HS2ST1: variants seen among roughly 807,000 people sequenced by gnomAD.
HS2ST1 encodes the protein 2-O-sulfotransferase.
Under a neutral mutation model 42.9 loss-of-function variants are expected in HS2ST1, and 18 were observed. That is an observed-to-expected ratio of 0.42 (90% confidence interval 0.29 to 0.62). HS2ST1 has a LOEUF of 0.62. Among genes scored for constraint, HS2ST1 ranks in the 20% least tolerant of loss-of-function variants. The pLI, the probability that HS2ST1 is intolerant of heterozygous loss-of-function variation, is 0.21. For missense variants in HS2ST1, 334 were observed against 433.8 expected (o/e 0.77, Z 2.04); for synonymous variants, 146 against 152.9 (o/e 0.95, Z 0.33).
At chr1:86,945,787 G>C (rs1199733) in intron 1 of HS2ST1, among the ~76,000 whole-genome samples, 35,562 of 152,054 alleles carry the variant, frequency 0.23, 4,876 homozygotes, top group African/African-American at 0.37. Context: ...ATAATTTCTT[G>C]GCCAGGTGCA....
chr1:87,092,520 T>G lies in HS2ST1; in HGVS notation c.450-11T>G. The G allele has an allele frequency of 6.5e-7, 1 of 1,527,422 alleles. No individual in the cohort carries two copies. Among genetic ancestry groups the G allele is most frequent in the Non-Finnish European group, 8.7e-7 (1 of 1,143,366 alleles). The allele number at this position is 1,527,422 out of a possible 1,614,324, so 94.6% of individuals were successfully genotyped here. ...TGTTGATTTCACCTTTGAAATTTTG[T>G]TGTATTTCAGATTTGGTGTGAAGAA... On this transcript the variant is annotated splice_polypyrimidine_tract_variant and intron_variant, in intron 3 of 6. Transcript: ENST00000370550.
At chr1:87,046,101 T>G (rs1467309413) in intron 1 of HS2ST1, 8 of 674,232 alleles carry the variant, frequency 1.2e-5, no homozygotes, top group Non-Finnish European at 2.3e-5. Context: ...TGTGGCATAT[T>G]TTTGACAGTT....
chr1:87,002,201 C>T lies in HS2ST1; in HGVS notation c.125-70733C>T, dbSNP rs578195968. ...TGCTGGGATTACAGGCGTGAGCCAC[C>T]GTGCCCGGCCGGACTATTGTATTTT... On this transcript the variant is annotated intron_variant, in intron 1 of 6. Coordinates refer to ENST00000370550, the MANE Select transcript of HS2ST1 (RefSeq NM_012262.4). Among the ~76,000 whole-genome samples the T allele has an allele frequency of 3.9e-5, 6 of 152,292 alleles. No individual in the cohort carries two copies. In the South Asian group the frequency reaches 6.2e-4, roughly 16 times the overall value.
chr1:86,920,997 TTG>T (rs1660280456), intron 1 of HS2ST1, among the ~76,000 whole-genome samples: 1 of 152,212 alleles, frequency 6.6e-6, no homozygotes, highest in African/African-American at 2.4e-5. Context: ...GTAATGCATG[TTG>T]TCTTAATTAG....
intron 1 of HS2ST1, among the ~76,000 whole-genome samples, chr1:86,997,975 A>C (rs1249512361): frequency 6.6e-6 from 1 of 152,204 alleles, no homozygotes; most frequent in Non-Finnish European, 1.5e-5. Flanking sequence ...CAGATGAAGG[A>C]GGCCTACTGT....
chr1:87,081,970 CAA>C (rs1041749210), intron 2 of HS2ST1, among the ~76,000 whole-genome samples: 3 of 62,678 alleles, frequency 4.8e-5, no homozygotes, highest in Admixed American at 1.9e-4. Flanking sequence ...GACTCCGTCT[CAA>C]AAAAAAAAAA....
At chr1:87,079,460 G>A (rs1651629422) in intron 2 of HS2ST1, among the ~76,000 whole-genome samples, 1 of 152,106 alleles carries the variant, frequency 6.6e-6, no homozygotes, top group Admixed American at 6.6e-5. Flanking sequence ...TGCTCAGACT[G>A]TTTTCTAGAT....
At chr1:86,955,557 G>A (rs1351123840) in intron 1 of HS2ST1, among the ~76,000 whole-genome samples, 1 of 152,066 alleles carries the variant, frequency 6.6e-6, no homozygotes, top group Non-Finnish European at 1.5e-5. Context: ...ATGAAGCTGA[G>A]GTGCAATTTT....
chr1:86,956,781 G>C (rs1188444706), intron 1 of HS2ST1, among the ~76,000 whole-genome samples: 2 of 152,034 alleles, frequency 1.3e-5, no homozygotes, highest in African/African-American at 2.4e-5. Flanking sequence ...CATCTCTGTT[G>C]TAACTTACCC....
intron 1 of HS2ST1, among the ~76,000 whole-genome samples, chr1:86,969,770 T>C (rs2102207871): frequency 6.6e-6 from 1 of 152,042 alleles, no homozygotes; most frequent in Admixed American, 6.5e-5. Flanking sequence ...AGTTGGCTTT[T>C]TACTTTTAGC....
At chr1:87,101,939 T>TTC (rs2100657205) in intron 5 of HS2ST1, among the ~76,000 whole-genome samples, 2 of 152,320 alleles carry the variant, frequency 1.3e-5, no homozygotes, top group African/African-American at 4.8e-5. Flanking sequence ...CTGTTTGGCT[T>TTC]ATGATGCAGG....
At chr1:87,008,813 G>A (rs780220465) in intron 1 of HS2ST1, among the ~76,000 whole-genome samples, 10 of 151,874 alleles carry the variant, frequency 6.6e-5, no homozygotes, top group Non-Finnish European at 1.5e-4. Flanking sequence ...ACCAAGCTAC[G>A]AAATTCAGAA....
chr1:86,993,793 A>T (rs2100562817), intron 1 of HS2ST1, among the ~76,000 whole-genome samples: 1 of 152,310 alleles, frequency 6.6e-6, no homozygotes, highest in Non-Finnish European at 1.5e-5. Context: ...CTTAAATAGT[A>T]TCTTAACAAA....
chr1:87,008,928 C>T (rs55790109), intron 1 of HS2ST1, among the ~76,000 whole-genome samples: 5,414 of 152,212 alleles, frequency 0.036, 109 homozygotes, highest in African/African-American at 0.049. Flanking sequence ...ACTGCAGCCT[C>T]GACCTCCTGG....
At chr1:86,992,863 A>T in intron 1 of HS2ST1, 1 of 515,344 alleles carries the variant, frequency 1.9e-6, no homozygotes, top group Non-Finnish European at 3.4e-6. Flanking sequence ...GAGTGTTTTT[A>T]TTCTAGTTTT....
intron 1 of HS2ST1, among the ~76,000 whole-genome samples, chr1:86,947,715 C>T (rs1647382636): frequency 6.6e-6 from 1 of 151,790 alleles, no homozygotes; most frequent in African/African-American, 2.4e-5. Context: ...ATTGTGCATT[C>T]ATTTATTCAG....
chr1:87,060,056 A>C (rs1362986818), intron 1 of HS2ST1, among the ~76,000 whole-genome samples: 1 of 152,104 alleles, frequency 6.6e-6, no homozygotes, highest in Non-Finnish European at 1.5e-5. Context: ...AATATTATAC[A>C]ATTACTAATT....
At chr1:87,047,943 C>T (rs1238142377) in intron 1 of HS2ST1, among the ~76,000 whole-genome samples, 1 of 152,028 alleles carries the variant, frequency 6.6e-6, no homozygotes, top group African/African-American at 2.4e-5. Flanking sequence ...TTTACATTTC[C>T]ATATTAGTTG....
chr1:87,086,824 A>G (rs1210390055), intron 3 of HS2ST1, among the ~76,000 whole-genome samples: 2 of 149,294 alleles, frequency 1.3e-5, no homozygotes, highest in African/African-American at 4.9e-5. Flanking sequence ...TATATTTCCT[A>G]GTTCTTCTTC....
Sources: gnomAD v4.1 joint callset for allele counts (sites outside exome capture counted in the v4.1 genomes callset) on GRCh38, gnomAD v4.1.1 for gene constraint, MANE v1.5 for transcripts, NCBI Gene and HGNC (gene_info 2026-07-23, HGNC 2026-07-21) for gene names.